TNKS1BP1: variants seen among roughly 807,000 people sequenced by gnomAD.
TNKS1BP1 encodes 182 kDa tankyrase-1-binding protein.
A neutral mutation model predicts 141.1 loss-of-function variants in TNKS1BP1; 48 were observed. The observed-to-expected ratio is 0.34, with a 90% CI of 0.27 to 0.43. The LOEUF (loss-of-function observed/expected upper bound fraction) is 0.43, where lower values mean the gene tolerates loss of function less well. Among genes scored for constraint, TNKS1BP1 ranks in the 20% least tolerant of loss-of-function variants. The probability of loss-of-function intolerance (pLI) is 1.00; values close to 1 mark genes in which losing one functional copy is unlikely to be tolerated. For synonymous variants in TNKS1BP1, 875 were observed against 898.2 expected (o/e 0.97, Z 0.46); for missense variants, 2,149 against 2,226.0 (o/e 0.97, Z 0.70).
intron 2 of TNKS1BP1, 151 bp downstream of exon 2, chr11:57,321,641 C>G (rs1855887577): frequency 2.4e-6 from 2 of 850,544 alleles, no homozygotes; most frequent in Non-Finnish European, 3.6e-6. Context: ...AAGCTGAGAA[C>G]CTTTCAAACT....
At chr11:57,314,021 C>T in intron 4 of TNKS1BP1, 132 bp from the exon 5 acceptor site, 3 of 1,094,586 alleles carry the variant, frequency 2.7e-6, no homozygotes, top group Non-Finnish European at 3.6e-6. Context: ...CCGAGGGGGT[C>T]CTCTTGGGAT....
chr11:57,317,023 C>G (rs1255835119), intron 4 of TNKS1BP1, among the ~76,000 whole-genome samples: 4 of 152,208 alleles, frequency 2.6e-5, no homozygotes, highest in Non-Finnish European at 5.9e-5. Flanking sequence ...AGCACCAATG[C>G]CTTTGTACTT....
rs1855870011 is a variant in TNKS1BP1, at chr11:57,320,573, G to T, written c.234C>A (p.Ala78=). ...PRGPLAELPS[A]RKMNMLAGPQ... is the part of the protein sequence containing the mutation. ...GTCCTGCCAGCATGTTCATCTTCCT[G>T]GCAGAAGGCAACTCAGCCAGGGGAC... The change falls in exon 3 of 12, where the codon GCC becomes GCA. Residue 78 remains alanine, a synonymous_variant. Coordinates refer to ENST00000358252, the MANE Select transcript of TNKS1BP1 (RefSeq NM_033396.3). 5.0e-6 allele frequency: 8 copies of T among 1,614,102 alleles called. No individual in the cohort carries two copies. Among genetic ancestry groups the T allele is most frequent in the Non-Finnish European group, 6.8e-6 (8 of 1,179,998 alleles).
chr11:57,324,910 T>C lies in TNKS1BP1; in HGVS notation c.-136A>G. The C allele has an allele frequency of 3.1e-6, 3 of 982,790 alleles. No homozygotes were observed. The highest frequency in any genetic ancestry group is 4.5e-5 in the South Asian group (1 of 22,068). 60.9% of individuals were successfully genotyped at this position (982,790 alleles called of 1,614,324 possible). ...CAGTCCCCGCCGCCGCCGCCGCTGC[T>C]ACCGCCGCCGCCGCCGCCGTCACCG... is the stretch of plus-strand genomic sequence containing the variant. On this transcript the variant is annotated 5_prime_UTR_variant, in exon 1 of 12. Transcript: ENST00000358252.
In TNKS1BP1 at chr11:57,313,406, A is replaced by G; in HGVS notation, c.1282T>C (p.Phe428Leu). The G allele has an allele frequency of 6.2e-7, 1 of 1,612,012 alleles. No individual in the cohort carries two copies. Among genetic ancestry groups the G allele is most frequent in the South Asian group, 1.1e-5 (1 of 90,900 alleles). Residue 428 changes from phenylalanine to leucine, a missense_variant, in exon 5 of 12, where the codon TTC becomes CTC. Transcript: ENST00000358252. Reference protein sequence around the residue: ...LRPTSLVQRRFSEGVLQSPSQ... With the variant: ...LRPTSLVQRRLSEGVLQSPSQ... ...GGTGACTGGAGCACACCTTCAGAGA[A>G]TCGGCGCTGAACCAGGCTGGTGGGG...
At position 57,313,353 on chromosome 11, in the gene TNKS1BP1, GC is replaced by G. The variant is rs753025144; in HGVS notation, c.1334del (p.Gly445AlafsTer207). On this transcript the variant is annotated frameshift_variant, in exon 5 of 12. Coordinates refer to ENST00000358252, the MANE Select transcript of TNKS1BP1 (RefSeq NM_033396.3). LOFTEE classifies it high-confidence loss of function. ...GGCCTTGGGGCAGGGCAGCCAGCGA[GC>G]CCCCCAGCTTCTCCTGGTCCTGACT... Reference protein sequence around the residue: ...SPSQDQEKLGGSLAALPQGQG... With the variant: ...SPSQDQEKLGXSLAALPQGQG... 1 of 1,612,680 alleles carries G rather than the reference GC, an allele frequency of 6.2e-7. No individual in the cohort carries two copies. The highest frequency in any genetic ancestry group is 8.5e-7 in the Non-Finnish European group (1 of 1,179,732).
rs1228383292 is a variant in TNKS1BP1 at position 57,302,567 on chromosome 11, C to A, written c.4575G>T (p.Trp1525Cys). The change falls in exon 7 of 12, where the codon TGG (tryptophan) becomes TGT (cysteine). Residue 1525 changes from tryptophan (W) to cysteine (C), a missense_variant. Physicochemically the swap from Trp to Cys is radical, Grantham distance 215 (BLOSUM62 -2). Transcript: ENST00000358252. This position sits in a 1 kb window ranked among gnomAD's most constrained non-coding sequence, Gnocchi z 5.5. ...ASQTEDVDGT[W>C]GSSAARWSDQ... The stretch of plus-strand genomic sequence containing the variant: ...CGCTCCACCTGGCTGCTGAAGAGCC[C>A]CAGGTGCCATCCACGTCTTCTGTCT... The A allele has an allele frequency of 6.2e-7, 1 of 1,613,140 alleles. No homozygotes were observed. The highest frequency in any genetic ancestry group is 1.1e-5 in the South Asian group (1 of 90,990).
Position 57,302,958 on chromosome 11 carries a change from C to A in TNKS1BP1, c.4317-133G>T. ...TCCTTCCCATGCTTTTTCCAGACTC[C>A]AAGGACACGGTCAGGGCCTTGAGCA... On this transcript the variant is annotated intron_variant, in intron 6 of 11. Transcript: ENST00000358252. The surrounding 1 kb of genome is among the most constrained non-coding windows in gnomAD (Gnocchi z 5.5). 1 of 1,150,840 alleles carries A rather than the reference C, an allele frequency of 8.7e-7. No individual in the cohort carries two copies. The highest frequency in any genetic ancestry group is 1.2e-6 in the Non-Finnish European group (1 of 852,058). 71.3% of individuals were successfully genotyped at this position (1,150,840 alleles called of 1,614,324 possible).
intron 6 of TNKS1BP1, among the ~76,000 whole-genome samples, chr11:57,306,799 C>T (rs1159508854): frequency 6.6e-6 from 1 of 151,936 alleles, no homozygotes; most frequent in Non-Finnish European, 1.5e-5. Flanking sequence ...CCATCACAAT[C>T]CCCGCCCCAC....
Position 57,309,303 on chromosome 11 carries a change from G to A in TNKS1BP1, c.3408C>T (p.Gly1136=). ...IIGNDRVSGA[G]FSPSSKMEGG... is the part of the protein sequence containing the mutation. ...CTTCCATCTTGCTAGAAGGGCTAAA[G>A]CCAGCACCACTCACTCTGTCGTTGC... The change falls in exon 6 of 12, where the codon GGC becomes GGT. Residue 1136 remains glycine, a synonymous_variant. Transcript: ENST00000358252. The surrounding 1 kb of genome is among the most constrained non-coding windows in gnomAD (Gnocchi z 4.3). 1 of 1,614,160 alleles carries A rather than the reference G, an allele frequency of 6.2e-7. No homozygotes were observed. The highest frequency in any genetic ancestry group is 1.1e-5 in the South Asian group (1 of 91,082).
At position 57,302,733 on chromosome 11, in the gene TNKS1BP1, C is replaced by A; in HGVS notation, c.4409G>T (p.Arg1470Leu). 6.3e-7 allele frequency: 1 copy of A among 1,591,488 alleles called. No individual in the cohort carries two copies. The highest frequency in any genetic ancestry group is 8.5e-7 in the Non-Finnish European group (1 of 1,173,254). The change falls in exon 7 of 12, where the codon CGG becomes CTG. Residue 1470 changes from arginine to leucine, a missense_variant. Physicochemically the swap from Arg to Leu is moderately radical, Grantham distance 102. Transcript: ENST00000358252. The surrounding 1 kb of genome is among the most constrained non-coding windows in gnomAD (Gnocchi z 5.5). Reference sequence around the variant, plus strand: ...AAGGCCCGAGGCCGCTGACTCCCTCCGAGCCACCGCCTTGGAGCTGCTGGC... The same window carrying A: ...AAGGCCCGAGGCCGCTGACTCCCTCAGAGCCACCGCCTTGGAGCTGCTGGC... ...LAASSSKAVA[R>L]RESAASGLGG...
chr11:57,321,744 T>TCCCACCCCCCC, intron 2 of TNKS1BP1, 48 bp downstream of exon 2: 7 of 1,039,818 alleles, frequency 6.7e-6, no homozygotes, highest in South Asian at 1.3e-5. Context: ...CCTCTGTCCT[T>TCCCACCCCCCC]CCCACCCCCC....
At chr11:57,319,628 G>A (rs938461618) in intron 3 of TNKS1BP1, among the ~76,000 whole-genome samples, 9 of 152,072 alleles carry the variant, frequency 5.9e-5, no homozygotes, top group South Asian at 2.1e-4. Flanking sequence ...TTAGCTGGGC[G>A]TGGTGGCCCA....
intron 4 of TNKS1BP1, 45 bp from the exon 5 acceptor site, chr11:57,313,934 G>A (rs978038780): frequency 4.2e-6 from 6 of 1,434,972 alleles, no homozygotes; most frequent in South Asian, 3.1e-5. Flanking sequence ...ACCTCTCAGC[G>A]GGGCGGGGAG....
chr11:57,303,002 G>T (rs763239791), intron 6 of TNKS1BP1, 177 bp from the exon 7 acceptor site: 1 of 698,428 alleles, frequency 1.4e-6, no homozygotes, highest in Non-Finnish European at 2.1e-6. Context: ...CACAGGTGAA[G>T]AGCTGAGCCA....
intron 3 of TNKS1BP1, among the ~76,000 whole-genome samples, chr11:57,319,175 C>G (rs1336888919): frequency 6.6e-6 from 1 of 151,568 alleles, no homozygotes; most frequent in Non-Finnish European, 1.5e-5. Flanking sequence ...AGATGTGTTC[C>G]TCTCTTACCT....
At chr11:57,319,100 G>A (rs1855841717) in intron 3 of TNKS1BP1, among the ~76,000 whole-genome samples, 1 of 148,334 alleles carries the variant, frequency 6.7e-6, no homozygotes, top group East Asian at 2.0e-4. Context: ...AGCCGAGATT[G>A]CGCCACTGCA....
At chr11:57,322,349 G>A (rs1368124282) in intron 1 of TNKS1BP1, 6 of 985,744 alleles carry the variant, frequency 6.1e-6, no homozygotes, top group Non-Finnish European at 7.2e-6. Flanking sequence ...ACGGGAGACG[G>A]GAAAAACCCG....
chr11:57,301,780 C>T (rs1242034074), intron 9 of TNKS1BP1, 27 bp downstream of exon 9: 1 of 1,596,376 alleles, frequency 6.3e-7, no homozygotes, highest in East Asian at 2.3e-5. Context: ...GATGGCTGGA[C>T]ATGTTTGCTT....
Sources: gnomAD v4.1 joint callset for allele counts (sites outside exome capture counted in the v4.1 genomes callset) on GRCh38, gnomAD v4.1.1 for gene constraint, Gnocchi (gnomAD v3.1) non-coding constraint, MANE v1.5 for transcripts, NCBI Gene and HGNC (gene_info 2026-07-23, HGNC 2026-07-21) for gene names.